Variants in PEAK1 observed in about 807,000 individuals in gnomAD.
PEAK1 encodes inactive tyrosine-protein kinase PEAK1.
Under a neutral mutation model 124.7 loss-of-function variants are expected in PEAK1, and 54 were observed. The ratio of observed to expected loss-of-function variants is 0.43; its 90% confidence interval spans 0.35 to 0.54. The LOEUF is 0.54. Ranked by LOEUF, PEAK1 falls within the 20% of genes least tolerant of loss-of-function variation. The pLI, the probability that PEAK1 is intolerant of heterozygous loss-of-function variation, is 0.01. For missense variants in PEAK1, 2,046 were observed against 2,134.5 expected, an observed-to-expected ratio of 0.96 and a Z score of 0.82; for synonymous variants, 719 against 760.0, an observed-to-expected ratio of 0.95 and a Z score of 0.89.
rs371354549 is a variant in PEAK1, at chr15:77,179,273, A to G, written c.2654T>C (p.Leu885Pro). The G allele has an allele frequency of 6.2e-7, 1 of 1,614,114 alleles. No homozygotes were observed. The part of the protein sequence containing the change: ...STSSPYHAGN[L>P]LQRHFTNWTK... Reference sequence around the variant, plus strand: ...CCAGTTGGTGAAATGCCTCTGCAAAAGGTTACCTGCATGGTAAGGAGAAGA... The same window carrying G: ...CCAGTTGGTGAAATGCCTCTGCAAAGGGTTACCTGCATGGTAAGGAGAAGA... Residue 885 changes from leucine to proline, a missense_variant, in exon 7 of 10, where the codon CTT becomes CCT. Physicochemically the swap from Leu to Pro is moderately conservative, Grantham distance 98. Transcript: ENST00000682557.
At chr15:77,344,788 A>G (rs1456822539) in intron 2 of PEAK1, among the ~76,000 whole-genome samples, 31 of 152,162 alleles carry the variant, frequency 2.0e-4, no homozygotes, top group South Asian at 2.1e-4. Context: ...TAATTTATTC[A>G]TAAGTGTTTT....
In PEAK1 at chr15:77,158,526, C is replaced by T. The variant is rs555412505; in HGVS notation, c.3308G>A (p.Cys1103Tyr). The change falls in exon 8 of 10, where the codon TGT (cysteine) becomes TAT (tyrosine). Residue 1103 changes from cysteine to tyrosine, a missense_variant. Physicochemically the swap from Cys to Tyr is radical, Grantham distance 194. Transcript: ENST00000682557. ...ACCTAAGTTGCTGTATGTTGCACTACAAGGGTTCGGGTCCATAGGATCTGA... is the reference window on the plus strand; with the variant it reads ...ACCTAAGTTGCTGTATGTTGCACTATAAGGGTTCGGGTCCATAGGATCTGA... Reference protein sequence around the residue: ...DISDPMDPNPCSATYSNLGQS... With the variant: ...DISDPMDPNPYSATYSNLGQS... 1 of 1,614,132 alleles carries T rather than the reference C, an allele frequency of 6.2e-7. No individual in the cohort carries two copies. The highest frequency in any genetic ancestry group is 8.5e-7 in the Non-Finnish European group (1 of 1,179,970).
Position 77,252,515 on chromosome 15 carries a change from T to C in PEAK1, c.-263A>G, listed in dbSNP as rs768771842. On this transcript the variant is annotated 5_prime_UTR_variant, in exon 6 of 10. Coordinates refer to ENST00000682557, the MANE Select transcript of PEAK1 (RefSeq NM_001385026.1). The stretch of plus-strand genomic sequence containing the variant: ...CCTCTCATTCCTTAATTTCTGAAGA[T>C]AGCAATGTTTACTGCAAGAGAAAAA... 3.8e-5 allele frequency: 37 copies of C among 984,488 alleles called. No individual in the cohort carries two copies. Among genetic ancestry groups the C allele is most frequent in the African/African-American group, 1.2e-4 (7 of 57,204 alleles). The allele number at this position is 984,488 out of a possible 1,614,324, so 61.0% of individuals were successfully genotyped here. A position where few individuals can be genotyped will look rare whatever the true frequency, so the allele number is the denominator to read the frequency against.
chr15:77,413,239 T>C (rs12324589), intron 1 of PEAK1, among the ~76,000 whole-genome samples: 4 of 152,196 alleles, frequency 2.6e-5, no homozygotes, highest in Non-Finnish European at 5.9e-5. Context: ...TTAATATATG[T>C]CCACAAATTC....
Position 77,400,260 on chromosome 15 carries a change from C to CA in PEAK1, c.-666+19745dup, listed in dbSNP as rs202065976. On this transcript the variant is annotated intron_variant, in intron 1 of 9. Transcript: ENST00000682557. ...ATGGAGAAGGTTTTTGGACATTCCT[C>CA]AAAAAAAACAAAAATAGAGCTACCA... Among the ~76,000 whole-genome samples the CA allele has an allele frequency of 6.7e-3, 1,015 of 151,236 alleles. 7 individuals carry two copies. Among genetic ancestry groups the CA allele is most frequent in the Non-Finnish European group, 0.01 (698 of 67,724 alleles).
At chr15:77,236,300 G>C (rs1209466866) in intron 6 of PEAK1, among the ~76,000 whole-genome samples, 1 of 152,228 alleles carries the variant, frequency 6.6e-6, no homozygotes, top group African/African-American at 2.4e-5. Context: ...GCAGAGGCAG[G>C]ACTACCCAAG....
intron 1 of PEAK1, chr15:77,419,036 C>T (rs1202791226): frequency 1.0e-6 from 1 of 985,270 alleles, no homozygotes; most frequent in Admixed American, 6.2e-5. Context: ...ATTAGGTTTT[C>T]TATAGCAAGG....
At chr15:77,168,933 G>T (rs776460860) in intron 7 of PEAK1, among the ~76,000 whole-genome samples, 19 of 152,130 alleles carry the variant, frequency 1.2e-4, no homozygotes, top group Admixed American at 5.9e-4. Flanking sequence ...TTGCTAATTA[G>T]CAGCATGAAA....
At chr15:77,274,249 C>A (rs552906089) in intron 5 of PEAK1, among the ~76,000 whole-genome samples, 1 of 151,934 alleles carries the variant, frequency 6.6e-6, no homozygotes, top group Non-Finnish European at 1.5e-5. Flanking sequence ...CGAAAGCAAA[C>A]GCAACAAAAA....
intron 6 of PEAK1, among the ~76,000 whole-genome samples, chr15:77,203,520 A>G (rs1346402269): frequency 2.0e-5 from 3 of 152,170 alleles, no homozygotes; most frequent in Non-Finnish European, 2.9e-5. Context: ...ACCCAACTTC[A>G]AGACATACTA....
chr15:77,321,782 G>A (rs1261814956), intron 2 of PEAK1, among the ~76,000 whole-genome samples: 3 of 152,080 alleles, frequency 2.0e-5, no homozygotes, highest in Non-Finnish European at 4.4e-5. Context: ...GGGTTTTTAT[G>A]GTTTCAGGTC....
chr15:77,133,295 T>G lies in PEAK1; in HGVS notation c.3787A>C (p.Arg1263=). ...GGCTTCTGGATGCCTCGGCCCTGTC[T>G]GCAAGAGGGCCCACGCCGGCTGGAG... ...SLSSRRGPSC[R]QGRGIQKPQR... Residue 1263 remains arginine (R), a synonymous_variant, in exon 9 of 10, where the codon AGA becomes CGA. Transcript: ENST00000682557. The surrounding 1 kb of genome is among the most constrained non-coding windows in gnomAD (Gnocchi z 4.2). 1 of 1,614,242 alleles carries G rather than the reference T, an allele frequency of 6.2e-7. No individual in the cohort carries two copies. The highest frequency in any genetic ancestry group is 1.3e-5 in the African/African-American group (1 of 75,074).
intron 1 of PEAK1, among the ~76,000 whole-genome samples, chr15:77,373,797 T>C (rs900440071): frequency 1.6e-4 from 25 of 152,194 alleles, no homozygotes; most frequent in Non-Finnish European, 4.4e-5. Flanking sequence ...AGGCTTCTAA[T>C]TCTTTGGCAA....
intron 8 of PEAK1, among the ~76,000 whole-genome samples, chr15:77,150,692 G>A (rs942769205): frequency 2.3e-5 from 3 of 128,472 alleles, no homozygotes; most frequent in African/African-American, 9.3e-5. Flanking sequence ...TCCCCGGAGT[G>A]TGATGTTCCC....
At chr15:77,324,567 T>G (rs1465965265) in intron 2 of PEAK1, among the ~76,000 whole-genome samples, 5 of 152,172 alleles carry the variant, frequency 3.3e-5, no homozygotes, top group Non-Finnish European at 7.3e-5. Context: ...GAGTAATTTA[T>G]AAAGAAAAGA....
At chr15:77,366,907 A>G (rs2068283066) in intron 1 of PEAK1, among the ~76,000 whole-genome samples, 1 of 152,166 alleles carries the variant, frequency 6.6e-6, no homozygotes, top group African/African-American at 2.4e-5. Flanking sequence ...AGGCCGAGGC[A>G]GGTGGATCAT....
chr15:77,180,576 T>G lies in PEAK1; in HGVS notation c.1351A>C (p.Asn451His), dbSNP rs1479350343. ...GCTTGCTCTTCTGTGGGGACAAGGT[T>G]TATGGTTACTGCTTGCCCAGCAACA... ...TDVAGQAVTINLVPTEEQAKP... is the reference protein window; with the variant it reads ...TDVAGQAVTIHLVPTEEQAKP... Residue 451 changes from asparagine to histidine, a missense_variant, in exon 7 of 10, where the codon AAC becomes CAC. Transcript: ENST00000682557. The G allele has an allele frequency of 1.2e-6, 2 of 1,614,140 alleles. No homozygotes were observed. Among genetic ancestry groups the G allele is most frequent in the Admixed American group, 3.3e-5 (2 of 60,024 alleles).
chr15:77,408,137 G>A (rs373664613), intron 1 of PEAK1, among the ~76,000 whole-genome samples: 26 of 109,064 alleles, frequency 2.4e-4, no homozygotes, highest in South Asian at 3.2e-4. Context: ...ATAGACACAT[G>A]TATACACATA....
intron 6 of PEAK1, among the ~76,000 whole-genome samples, chr15:77,251,433 AG>A (rs772974102): frequency 5.9e-5 from 9 of 152,328 alleles, no homozygotes; most frequent in Middle Eastern, 3.4e-3. Context: ...GATTTTCAAA[AG>A]GTAGAAAGAA....
Sources: allele counts gnomAD v4.1 joint callset (sites outside exome capture counted in the v4.1 genomes callset), GRCh38; gene constraint gnomAD v4.1.1; non-coding constraint Gnocchi (gnomAD v3.1); transcripts MANE v1.5; gene names NCBI Gene and HGNC (gene_info 2026-07-23, HGNC 2026-07-21).